Variants in MSI2 observed in about 807,000 individuals in gnomAD.
MSI2 encodes musashi RNA binding protein 2.
A neutral mutation model predicts 45.6 loss-of-function variants in MSI2; 17 were observed. The ratio of observed to expected loss-of-function variants is 0.37; its 90% CI spans 0.26 to 0.56. The LOEUF is 0.56. MSI2 is among the 20% of genes least tolerant of loss of function. The pLI is 0.77. For missense variants in MSI2, 293 were observed against 444.2 expected (o/e 0.66, Z 3.06); for synonymous variants, 156 against 158.2 (o/e 0.99, Z 0.11).
At chr17:57,592,417 A>G (rs971170714) in intron 7 of MSI2, among the ~76,000 whole-genome samples, 2 of 152,182 alleles carry the variant, frequency 1.3e-5, no homozygotes, top group Non-Finnish European at 2.9e-5. Context: ...AAAAATGATT[A>G]TATGTTAAGG....
chr17:57,326,382 A>G (rs1598123126), intron 5 of MSI2, among the ~76,000 whole-genome samples: 1 of 152,162 alleles, frequency 6.6e-6, no homozygotes, highest in East Asian at 1.9e-4. Flanking sequence ...AGGCTATGTG[A>G]TACATGACTT....
chr17:57,306,307 C>T (rs1911886262), intron 5 of MSI2, among the ~76,000 whole-genome samples: 1 of 152,050 alleles, frequency 6.6e-6, no homozygotes, highest in South Asian at 2.1e-4. Flanking sequence ...TTCCTTCCTA[C>T]TAATGAGAGA....
chr17:57,259,804 C>G (rs989606210), intron 4 of MSI2, among the ~76,000 whole-genome samples: 1 of 152,198 alleles, frequency 6.6e-6, no homozygotes, highest in Non-Finnish European at 1.5e-5. Flanking sequence ...ATCATCCACC[C>G]CCTCTTGCTA....
the MSI2 span, among the ~76,000 whole-genome samples, chr17:57,695,861 A>T: frequency 6.6e-6 from 1 of 152,124 alleles, no homozygotes; most frequent in African/African-American, 2.4e-5. Context: ...TGGCTTGTAG[A>T]TGACCACCTT....
intron 6 of MSI2, among the ~76,000 whole-genome samples, chr17:57,417,750 C>A (rs1413473449): frequency 6.6e-6 from 1 of 152,118 alleles, no homozygotes; most frequent in African/African-American, 2.4e-5. Flanking sequence ...AGGAAATGGA[C>A]AAAGATGATG....
chr17:57,325,762 T>C (rs1402305264), intron 5 of MSI2, among the ~76,000 whole-genome samples: 1 of 152,196 alleles, frequency 6.6e-6, no homozygotes, highest in Non-Finnish European at 1.5e-5. Flanking sequence ...TTTAGGAAAA[T>C]GTAGATCAGA....
intron 5 of MSI2, among the ~76,000 whole-genome samples, chr17:57,393,889 C>T (rs2083841661): frequency 6.6e-6 from 1 of 152,070 alleles, no homozygotes; most frequent in South Asian, 2.1e-4. Context: ...GCCATGTTGG[C>T]CAGGCTAGTC....
intron 6 of MSI2, among the ~76,000 whole-genome samples, chr17:57,497,803 G>A (rs2086011744): frequency 6.6e-6 from 1 of 152,180 alleles, no homozygotes; most frequent in Non-Finnish European, 1.5e-5. Context: ...GGGGGCCGCT[G>A]CACTGTCCGG....
chr17:57,688,505 G>A (rs982695852), downstream of MSI2, among the ~76,000 whole-genome samples: 6 of 152,236 alleles, frequency 3.9e-5, no homozygotes, highest in Middle Eastern at 3.4e-3. Flanking sequence ...TCAATATACA[G>A]CATATCATAG....
At chr17:57,276,657 T>C (rs928932372) in intron 5 of MSI2, among the ~76,000 whole-genome samples, 4 of 152,228 alleles carry the variant, frequency 2.6e-5, no homozygotes, top group African/African-American at 9.6e-5. Flanking sequence ...GCTACTGTGT[T>C]TCCCGGCGTG....
chr17:57,379,612 C>A (rs937511605), intron 5 of MSI2, among the ~76,000 whole-genome samples: 1 of 151,736 alleles, frequency 6.6e-6, no homozygotes, highest in African/African-American at 2.4e-5. Context: ...GGATTGGCTT[C>A]TCCTCCCTTT....
chr17:57,541,064 C>T (rs992548189), intron 7 of MSI2, among the ~76,000 whole-genome samples: 1 of 152,010 alleles, frequency 6.6e-6, no homozygotes, highest in Non-Finnish European at 1.5e-5. Context: ...ACACAGCCCC[C>T]GAAGCCTGAC....
At chr17:57,667,418 G>T (rs879734075) in intron 11 of MSI2, among the ~76,000 whole-genome samples, 11 of 152,154 alleles carry the variant, frequency 7.2e-5, no homozygotes, top group Admixed American at 1.3e-4. Context: ...GGTGGAGAGG[G>T]ATCAGGAACA....
chr17:57,583,998 C>G (rs2088277189), intron 7 of MSI2, among the ~76,000 whole-genome samples: 1 of 152,196 alleles, frequency 6.6e-6, no homozygotes, highest in Admixed American at 6.5e-5. Context: ...AATGCAGATT[C>G]AGGTTCAGTG....
intron 11 of MSI2, among the ~76,000 whole-genome samples, chr17:57,667,080 A>G (rs561568171): frequency 1.1e-3 from 163 of 152,156 alleles, no homozygotes; most frequent in African/African-American, 3.7e-3. Flanking sequence ...AACAGGGGCC[A>G]CCTCTCTGCC....
At chr17:57,268,500 A>T (rs2143251279) in intron 5 of MSI2, 1 of 151,702 alleles carries the variant, frequency 6.6e-6, no homozygotes, top group Non-Finnish European at 1.5e-5. Flanking sequence ...TTCATGCCTT[A>T]TCTTCTCCAT....
intron 5 of MSI2, among the ~76,000 whole-genome samples, chr17:57,396,573 G>A (rs2083894601): frequency 6.6e-6 from 1 of 152,180 alleles, no homozygotes; most frequent in Non-Finnish European, 1.5e-5. Flanking sequence ...AGGCAGGGAG[G>A]TGGAGTGCTC....
intron 5 of MSI2, among the ~76,000 whole-genome samples, chr17:57,384,323 G>T (rs1451513727): frequency 6.6e-6 from 1 of 152,166 alleles, no homozygotes; most frequent in African/African-American, 2.4e-5. Flanking sequence ...CTGAAGGCTT[G>T]TTCACTCATA....
intron 8 of MSI2, among the ~76,000 whole-genome samples, chr17:57,602,950 G>A (rs1257083496): frequency 6.6e-6 from 1 of 152,204 alleles, no homozygotes; most frequent in African/African-American, 2.4e-5. Context: ...ACCAGGCAAG[G>A]GCCACTGCTA....
Sources: allele counts gnomAD v4.1 joint callset (sites outside exome capture counted in the v4.1 genomes callset), GRCh38; gene constraint gnomAD v4.1.1; transcripts MANE v1.5; gene names NCBI Gene and HGNC (gene_info 2026-07-23, HGNC 2026-07-21).